ASIC2: variants seen among roughly 807,000 people sequenced by gnomAD.
ASIC2 encodes the protein acid sensing ion channel subunit 2.
ASIC2 carries 25 observed loss-of-function variants against 57.3 expected under a neutral mutation model. That is an observed-to-expected ratio of 0.44 (90% confidence interval 0.32 to 0.61). The LOEUF is 0.61. Among genes scored for constraint, ASIC2 ranks in the 20% least tolerant of loss-of-function variants. The pLI is 0.06. For missense variants in ASIC2, 641 were observed against 738.1 expected (o/e 0.87, Z 1.52); for synonymous variants, 319 against 307.5 (o/e 1.04, Z -0.39).
At chr17:33,154,457 G>A (rs920940275) in intron 1 of ASIC2, among the ~76,000 whole-genome samples, 1 of 152,180 alleles carries the variant, frequency 6.6e-6, no homozygotes, top group African/African-American at 2.4e-5. Context: ...CAATATCATG[G>A]GAATCTTGGG....
At chr17:33,321,515 C>T (rs1906865791) in intron 1 of ASIC2, among the ~76,000 whole-genome samples, 1 of 152,166 alleles carries the variant, frequency 6.6e-6, no homozygotes, top group African/African-American at 2.4e-5. Flanking sequence ...AAATGTTTAT[C>T]ATTTAGTTGC....
intron 1 of ASIC2, among the ~76,000 whole-genome samples, chr17:33,379,264 C>T (rs953639054): frequency 1.3e-5 from 2 of 152,146 alleles, no homozygotes; most frequent in African/African-American, 4.8e-5. Flanking sequence ...TCCTCCTAAG[C>T]CTTGTTTTTC....
intron 1 of ASIC2, among the ~76,000 whole-genome samples, chr17:33,461,103 A>T (rs961572715): frequency 2.6e-5 from 4 of 152,138 alleles, no homozygotes; most frequent in Non-Finnish European, 5.9e-5. Context: ...AGCTCTATAT[A>T]AGAAATGTAA....
intron 1 of ASIC2, among the ~76,000 whole-genome samples, chr17:33,608,575 T>TG (rs66540184): frequency 5.0e-4 from 76 of 151,740 alleles, no homozygotes; most frequent in Admixed American, 3.1e-3. Context: ...TAGTAGTGCC[T>TG]GGGGGGGTCT....
intron 1 of ASIC2, among the ~76,000 whole-genome samples, chr17:33,564,948 G>A (rs1234841910): frequency 6.6e-6 from 1 of 152,192 alleles, no homozygotes; most frequent in African/African-American, 2.4e-5. Context: ...TTTCCCATAA[G>A]TGATACTTTT....
chr17:33,216,313 G>A (rs1907486272), intron 1 of ASIC2, among the ~76,000 whole-genome samples: 1 of 152,306 alleles, frequency 6.6e-6, no homozygotes, highest in South Asian at 2.1e-4. Context: ...TAACGAAACC[G>A]TATGAGGGAT....
At chr17:33,376,778 A>C (rs1421368769) in intron 1 of ASIC2, among the ~76,000 whole-genome samples, 1 of 152,134 alleles carries the variant, frequency 6.6e-6, no homozygotes, top group Non-Finnish European at 1.5e-5. Flanking sequence ...CATTGCTGCC[A>C]CTTCTTCATT....
At chr17:33,022,292 A>G (rs2091839427) in intron 6 of ASIC2, among the ~76,000 whole-genome samples, 1 of 152,164 alleles carries the variant, frequency 6.6e-6, no homozygotes, top group Non-Finnish European at 1.5e-5. Context: ...TTCAAATTAA[A>G]TAAAATTACA....
chr17:33,859,796 C>A (rs1914058354), intron 1 of ASIC2, among the ~76,000 whole-genome samples: 1 of 152,146 alleles, frequency 6.6e-6, no homozygotes, highest in Non-Finnish European at 1.5e-5. Flanking sequence ...GCTATCCTCC[C>A]ATCTCAGCCT....
intron 1 of ASIC2, among the ~76,000 whole-genome samples, chr17:33,197,256 TA>T (rs1357156314): frequency 6.6e-6 from 1 of 152,170 alleles, no homozygotes; most frequent in Non-Finnish European, 1.5e-5. Context: ...CAAGATAGCT[TA>T]GGGGGTTTAG....
chr17:33,676,586 C>T (rs983679057), intron 1 of ASIC2, among the ~76,000 whole-genome samples: 3 of 152,240 alleles, frequency 2.0e-5, no homozygotes, highest in Non-Finnish European at 4.4e-5. Context: ...CTCTAACCCA[C>T]TTCAATTCTA....
intron 1 of ASIC2, among the ~76,000 whole-genome samples, chr17:33,791,598 A>T (rs1484613523): frequency 6.6e-6 from 1 of 152,182 alleles, no homozygotes; most frequent in African/African-American, 2.4e-5. Flanking sequence ...CCAAACCTGT[A>T]TATAACAACA....
At position 33,291,596 on chromosome 17, in the gene ASIC2, G is replaced by C; in HGVS notation, c.520C>G (p.Leu174Val). 1 of 1,608,264 alleles carries C rather than the reference G, an allele frequency of 6.2e-7. No homozygotes were observed. Among genetic ancestry groups the C allele is most frequent in the African/African-American group, 1.3e-5 (1 of 74,974 alleles). ...NRTARPLVSE[L>V]LRGDEPRRQW... ...CGGCGCGGCTCGTCGCCCCGCAGCAGCTCGCTGACAAGCGGGCGCGCGGTG... is the reference window on the plus strand; with the variant it reads ...CGGCGCGGCTCGTCGCCCCGCAGCACCTCGCTGACAAGCGGGCGCGCGGTG... Residue 174 changes from leucine to valine, a missense_variant, in exon 1 of 10, where the codon CTG becomes GTG. By Grantham distance (32) the Leu-to-Val change is conservative. Around this residue, in one of 3 missense-constraint regions of ASIC2, gnomAD observed 382 missense variants for 398.0 expected, o/e 0.96. Transcript: ENST00000225823.
intron 1 of ASIC2, among the ~76,000 whole-genome samples, chr17:33,145,633 C>T (rs144159580): frequency 2.4e-4 from 37 of 152,256 alleles, no homozygotes; most frequent in African/African-American, 8.4e-4. Flanking sequence ...TCTGACAATA[C>T]GTGATTTATT....
At chr17:33,472,900 G>A (rs1389899455) in intron 1 of ASIC2, among the ~76,000 whole-genome samples, 1 of 152,156 alleles carries the variant, frequency 6.6e-6, no homozygotes, top group Non-Finnish European at 1.5e-5. Flanking sequence ...CCTCAAAACT[G>A]TGGTAATCTT....
At chr17:33,076,672 C>T (rs1193504328) in intron 3 of ASIC2, among the ~76,000 whole-genome samples, 4 of 152,096 alleles carry the variant, frequency 2.6e-5, no homozygotes, top group Non-Finnish European at 5.9e-5. Context: ...AACGGGACCA[C>T]CTTGTATGTA....
rs1904955275 is a variant in ASIC2 at position 33,281,660 on chromosome 17, G to C, written c.708+9748C>G. ...CTCAAGTCCTCATGACTGCAAATGT[G>C]CATGCTCTTTCTGTAGCTACATGAG... On this transcript the variant is annotated intron_variant, in intron 1 of 9. Coordinates refer to ENST00000225823, the MANE Select transcript of ASIC2 (RefSeq NM_183377.2). Among the ~76,000 whole-genome samples, 3 of 152,238 alleles carry C rather than the reference G, an allele frequency of 2.0e-5. No individual in the cohort carries two copies. The South Asian group carries it at 6.2e-4, about 32-fold the overall frequency.
chr17:34,015,594 TA>T (rs1906923355), intron 1 of ASIC2, among the ~76,000 whole-genome samples: 1 of 152,252 alleles, frequency 6.6e-6, no homozygotes, highest in African/African-American at 2.4e-5. Flanking sequence ...GGAATTTTTT[TA>T]CAATAAGCCC....
chr17:33,940,449 C>A (rs1299159539), intron 1 of ASIC2, among the ~76,000 whole-genome samples: 2 of 152,176 alleles, frequency 1.3e-5, no homozygotes, highest in Non-Finnish European at 2.9e-5. Flanking sequence ...GGCCTAAAGG[C>A]AGAGCATGGA....
Sources: gnomAD v4.1 joint callset for allele counts (sites outside exome capture counted in the v4.1 genomes callset) on GRCh38, gnomAD v4.1.1 for gene constraint, gnomAD v4.1.1 regional missense constraint, MANE v1.5 for transcripts, NCBI Gene and HGNC (gene_info 2026-07-23, HGNC 2026-07-21) for gene names.